RAB3GAP1: variants seen among roughly 807,000 people sequenced by gnomAD.
RAB3GAP1 encodes RAB3 GTPase activating protein catalytic subunit 1.
RAB3GAP1 carries 86 observed loss-of-function variants against 130.7 expected under a neutral mutation model. The observed-to-expected ratio is 0.66, with a 90% CI of 0.55 to 0.79. The LOEUF (loss-of-function observed/expected upper bound fraction) is 0.79. Among genes scored for constraint, RAB3GAP1 ranks in the 30% least tolerant of loss-of-function variants. The pLI is 0.00. For synonymous variants in RAB3GAP1, 367 were observed against 401.7 expected (o/e 0.91, Z 1.03); for missense variants, 1,029 against 1,169.4 (o/e 0.88, Z 1.75).
intron 13 of RAB3GAP1, among the ~76,000 whole-genome samples, chr2:135,131,451 C>T (rs113516041): frequency 2.0e-5 from 3 of 152,054 alleles, no homozygotes; most frequent in African/African-American, 4.8e-5. Flanking sequence ...AGGATGGTCT[C>T]GATCTCCTGA....
chr2:135,173,335 A>C (rs1401805883), downstream of RAB3GAP1, among the ~76,000 whole-genome samples: 1 of 151,886 alleles, frequency 6.6e-6, no homozygotes, highest in Non-Finnish European at 1.5e-5. Flanking sequence ...CGAGAAAGGA[A>C]GAGGAGGACA....
chr2:135,072,037 C>T (rs1307684496), intron 3 of RAB3GAP1, among the ~76,000 whole-genome samples: 1 of 152,186 alleles, frequency 6.6e-6, no homozygotes, highest in Non-Finnish European at 1.5e-5. Flanking sequence ...CTCAGCTTCC[C>T]AAGTAGCTGC....
In RAB3GAP1 at chr2:135,115,076, C is replaced by A. The variant is rs4954220; in HGVS notation, c.483-140C>A. The A allele has an allele frequency of 0.21, 147,826 of 712,492 alleles. 24,322 individuals are homozygous for A. Among genetic ancestry groups the A allele is most frequent in the African/African-American group, 0.65 (36,147 of 55,964 alleles). 44.1% of individuals were successfully genotyped at this position (712,492 alleles called of 1,614,324 possible). A position where few individuals can be genotyped will look rare whatever the true frequency, so the allele number is the denominator to read the frequency against. On this transcript the variant is annotated intron_variant, in intron 6 of 23. Transcript: ENST00000264158. ...AGGAACTAAGAATGTCTTTGTTATACACACAAACCTGTGTTTTTGTTGTGT... is the reference window on the plus strand; with the variant it reads ...AGGAACTAAGAATGTCTTTGTTATAAACACAAACCTGTGTTTTTGTTGTGT...
intron 5 of RAB3GAP1, among the ~76,000 whole-genome samples, chr2:135,107,441 G>A (rs1393132971): frequency 6.6e-6 from 1 of 151,400 alleles, no homozygotes; most frequent in African/African-American, 2.4e-5. Flanking sequence ...AAGGAATGGA[G>A]TTATACTATA....
At chr2:135,073,452 G>A (rs1689535426) in intron 3 of RAB3GAP1, among the ~76,000 whole-genome samples, 1 of 152,190 alleles carries the variant, frequency 6.6e-6, no homozygotes, top group Non-Finnish European at 1.5e-5. Flanking sequence ...TCAGTGGTTG[G>A]GATTATCCTG....
chr2:135,104,275 C>T (rs1020906988), intron 5 of RAB3GAP1, among the ~76,000 whole-genome samples: 1 of 152,108 alleles, frequency 6.6e-6, no homozygotes, highest in Non-Finnish European at 1.5e-5. Context: ...AAAAAGCTAA[C>T]AACCCTCAGA....
intron 5 of RAB3GAP1, among the ~76,000 whole-genome samples, chr2:135,094,932 TATTC>T (rs1246516097): frequency 6.6e-6 from 1 of 152,238 alleles, no homozygotes; most frequent in Non-Finnish European, 1.5e-5. Flanking sequence ...ACATTTTCTT[TATTC>T]ATTCATCTAT....
At chr2:135,060,441 T>G (rs1023377313) in intron 3 of RAB3GAP1, among the ~76,000 whole-genome samples, 5 of 151,806 alleles carry the variant, frequency 3.3e-5, no homozygotes, top group African/African-American at 1.2e-4. Flanking sequence ...TTGTATTTTT[T>G]AGTAGAGACG....
intron 11 of RAB3GAP1, among the ~76,000 whole-genome samples, chr2:135,127,439 G>A (rs1691385905): frequency 6.6e-6 from 1 of 151,938 alleles, no homozygotes; most frequent in Admixed American, 6.6e-5. Flanking sequence ...CGCCTCCCGG[G>A]TTCACGCCAT....
At chr2:135,070,689 T>C (rs1044157038) in intron 3 of RAB3GAP1, among the ~76,000 whole-genome samples, 2 of 152,018 alleles carry the variant, frequency 1.3e-5, no homozygotes, top group South Asian at 2.1e-4. Context: ...GTGTTTTTAG[T>C]AGAGATGGGG....
chr2:135,069,442 T>C (rs1394146311), intron 3 of RAB3GAP1, among the ~76,000 whole-genome samples: 2 of 152,156 alleles, frequency 1.3e-5, no homozygotes, highest in Non-Finnish European at 2.9e-5. Flanking sequence ...TTTTTCCCTT[T>C]AGGTTTTTGA....
At chr2:135,065,767 ATTTTTTTTTT>A (rs1201634667) in intron 3 of RAB3GAP1, among the ~76,000 whole-genome samples, 3 of 123,942 alleles carry the variant, frequency 2.4e-5, no homozygotes, top group Non-Finnish European at 4.9e-5. Context: ...ATCTTCACTA[ATTTTTTTTTT>A]TTTTTTTTTT....
At chr2:135,140,253 T>C (rs1240505542) in intron 17 of RAB3GAP1, among the ~76,000 whole-genome samples, 1 of 152,236 alleles carries the variant, frequency 6.6e-6, no homozygotes. Flanking sequence ...TTTGGATATA[T>C]TCCTAAGAGT....
chr2:135,064,441 C>G (rs1281688976), intron 3 of RAB3GAP1, among the ~76,000 whole-genome samples: 1 of 151,924 alleles, frequency 6.6e-6, no homozygotes, highest in African/African-American at 2.4e-5. Context: ...TTTTTTCTTT[C>G]TTCTTTTGTT....
intron 5 of RAB3GAP1, among the ~76,000 whole-genome samples, chr2:135,106,118 C>T (rs913321966): frequency 4.6e-5 from 7 of 152,026 alleles, no homozygotes; most frequent in Admixed American, 2.6e-4. Flanking sequence ...CCCGCCCTGC[C>T]AGCCGCCCCG....
chr2:135,113,181 C>G lies in RAB3GAP1; in HGVS notation c.393C>G (p.Ala131=), dbSNP rs779596900. The change falls in exon 6 of 24, where the codon GCC becomes GCG. Residue 131 remains alanine, a synonymous_variant. Transcript: ENST00000264158. ...WYGLREFVVI[A]PAAHSDAVLS... ...GGCTACGTGAGTTCGTGGTGATTGC[C>G]CCTGCTGCACACAGTGACGCTGTTC... 1 of 1,613,980 alleles carries G rather than the reference C, an allele frequency of 6.2e-7. No individual in the cohort carries two copies. Among genetic ancestry groups the G allele is most frequent in the Non-Finnish European group, 8.5e-7 (1 of 1,179,988 alleles).
At position 135,163,709 on chromosome 2, in the gene RAB3GAP1, A is replaced by G. The variant is rs1221513843; in HGVS notation, c.2606+608A>G. 2.6e-5 allele frequency among the ~76,000 whole-genome samples: 4 copies of G among 152,212 alleles called. No homozygotes were observed. In the East Asian group the frequency reaches 5.8e-4, roughly 22 times the overall value. ...TTTGCCCATGTTATTTGGAAGGACAATATTGTTTTAATGTGTGATAAAGTG... is the reference window on the plus strand; with the variant it reads ...TTTGCCCATGTTATTTGGAAGGACAGTATTGTTTTAATGTGTGATAAAGTG... On this transcript the variant is annotated intron_variant, in intron 22 of 23. Transcript: ENST00000264158.
At chr2:135,171,491 A>C (rs1692853507), downstream of RAB3GAP1, among the ~76,000 whole-genome samples, 1 of 152,150 alleles carries the variant, frequency 6.6e-6, no homozygotes, top group African/African-American at 2.4e-5. Flanking sequence ...TGTGCCTGAG[A>C]CCGTGCTCCT....
chr2:135,076,198 G>A (rs372634814), intron 3 of RAB3GAP1, among the ~76,000 whole-genome samples: 13 of 152,222 alleles, frequency 8.5e-5, no homozygotes, highest in Admixed American at 2.6e-4. Context: ...GTGAGCCACC[G>A]TGCCCGGCCT....
Sources: allele counts gnomAD v4.1 joint callset (sites outside exome capture counted in the v4.1 genomes callset), GRCh38; gene constraint gnomAD v4.1.1; transcripts MANE v1.5; gene names NCBI Gene and HGNC (gene_info 2026-07-23, HGNC 2026-07-21).